SPATA4: variants seen among roughly 807,000 people sequenced by gnomAD.
SPATA4 encodes the protein spermatogenesis associated 4.
SPATA4 carries 35 observed loss-of-function variants against 31.8 expected under a neutral mutation model. The ratio of observed to expected loss-of-function variants is 1.10; its 90% CI spans 0.84 to 1.46. The LOEUF (loss-of-function observed/expected upper bound fraction) is 1.46, where lower values mean the gene tolerates loss of function less well. Ranked by LOEUF, SPATA4 falls within the 40% of genes most tolerant of loss-of-function variation. SPATA4 has a pLI of 0.00. For missense variants in SPATA4, 394 were observed against 363.1 expected (o/e 1.09, Z -0.69); for synonymous variants, 126 against 132.4 (o/e 0.95, Z 0.33).
intron 4 of SPATA4, among the ~76,000 whole-genome samples, chr4:176,191,810 A>T (rs1481859634): frequency 1.3e-5 from 2 of 152,324 alleles, no homozygotes. Flanking sequence ...TAAAATATCC[A>T]TCTCACAATT....
intron 1 of SPATA4, 142 bp from the exon 2 acceptor site, chr4:176,193,724 C>T: frequency 1.2e-6 from 1 of 858,846 alleles, no homozygotes; most frequent in Non-Finnish European, 1.6e-6. Context: ...CTAAGGAGAA[C>T]CTACTGTGGA....
chr4:176,184,868 G>A lies in SPATA4; in HGVS notation c.830C>T (p.Ser277Leu), dbSNP rs562455301. The A allele has an allele frequency of 1.3e-6, 2 of 1,598,096 alleles. No individual in the cohort carries two copies. The highest frequency in any genetic ancestry group is 1.3e-5 in the African/African-American group (1 of 74,304). ...VLPNIGSGGS[S>L]HREIHVKQAG... ...TTGCTTCACATGTATTTCTCTATGTGAACTGCCACCACTACCTATATTTGC... is the reference window on the plus strand; with the variant it reads ...TTGCTTCACATGTATTTCTCTATGTAAACTGCCACCACTACCTATATTTGC... The change falls in exon 6 of 6, where the codon TCA becomes TTA. Residue 277 changes from serine to leucine, a missense_variant. By Grantham distance (145) the Ser-to-Leu change is moderately radical. Coordinates refer to ENST00000280191, the MANE Select transcript of SPATA4 (RefSeq NM_144644.4).
chr4:176,189,794 C>G (rs543468632), intron 4 of SPATA4, among the ~76,000 whole-genome samples: 20 of 152,228 alleles, frequency 1.3e-4, no homozygotes, highest in African/African-American at 4.8e-4. Flanking sequence ...ATATGGATTG[C>G]AGATGAAGTA....
At position 176,192,962 on chromosome 4, in the gene SPATA4, G is replaced by C. The variant is rs144504100; in HGVS notation, c.463C>G (p.Arg155Gly). ...IEEVYTLLTH[R>G]EIKSIQDDFV... is the part of the protein sequence containing the mutation. ...AGGAAATTACAAAGAACTTACTCTC[G>C]ATGTGTTAATAAAGTGTAAACCTCT... is the stretch of plus-strand genomic sequence containing the variant. The change falls in exon 3 of 6, where the codon CGA becomes GGA. Residue 155 changes from arginine to glycine, a missense_variant. Arg to Gly is a moderately radical substitution (Grantham distance 125). Coordinates refer to ENST00000280191, the MANE Select transcript of SPATA4 (RefSeq NM_144644.4). 6.3e-7 allele frequency: 1 copy of C among 1,597,002 alleles called. No homozygotes were observed. Among genetic ancestry groups the C allele is most frequent in the Non-Finnish European group, 8.5e-7 (1 of 1,171,824 alleles).
In SPATA4 at chr4:176,195,401, G is replaced by C. The variant is rs368009200; in HGVS notation, c.162C>G (p.Ser54=). The C allele has an allele frequency of 6.2e-7, 1 of 1,614,220 alleles. No homozygotes were observed. Among genetic ancestry groups the C allele is most frequent in the Non-Finnish European group, 8.5e-7 (1 of 1,180,050 alleles). The change falls in exon 1 of 6, where the codon TCC becomes TCG. Residue 54 remains serine, a synonymous_variant. Coordinates refer to ENST00000280191, the MANE Select transcript of SPATA4 (RefSeq NM_144644.4). ...CCAGACCCTGAAGCCAACGCAGAAC[G>C]GAACGAGACAAGCGGGAGCTCTTCG... ...HAPKSSRLSR[S]VLRWLQGLDL... is the part of the protein sequence containing the mutation.
At chr4:176,192,530 A>G in intron 4 of SPATA4, 97 bp downstream of exon 4, 1 of 937,536 alleles carries the variant, frequency 1.1e-6, no homozygotes, top group Non-Finnish European at 1.7e-6. Context: ...GTTACAGAAG[A>G]TAGCAAAATG....
At chr4:176,185,193 G>A (rs1752422081) in intron 5 of SPATA4, among the ~76,000 whole-genome samples, 1 of 152,148 alleles carries the variant, frequency 6.6e-6, no homozygotes, top group Non-Finnish European at 1.5e-5. Flanking sequence ...TCAGAAAGCA[G>A]CTGAGGCAAC....
Position 176,195,537 on chromosome 4 carries a change from C to T in SPATA4, c.26G>A (p.Gly9Glu), listed in dbSNP as rs751777537. The change falls in exon 1 of 6, where the codon GGG becomes GAG. Residue 9 changes from glycine (G) to glutamate (E), a missense_variant. By Grantham distance (98) the Gly-to-Glu change is moderately conservative (BLOSUM62 -2). Coordinates refer to ENST00000280191, the MANE Select transcript of SPATA4 (RefSeq NM_144644.4). ...GGCTGCCGCAGTCTGTGTCAAATAC[C>T]CTTTTTCCTGGCCGGCGGCAGCCAT... is the stretch of plus-strand genomic sequence containing the variant. MAAAGQEK[G>E]YLTQTAAALD... 6 of 1,614,066 alleles carry T rather than the reference C, an allele frequency of 3.7e-6. No homozygotes were observed.
intron 2 of SPATA4, 22 bp downstream of exon 2, chr4:176,193,431 G>A: frequency 6.2e-7 from 1 of 1,607,292 alleles, no homozygotes; most frequent in Non-Finnish European, 8.5e-7. Context: ...ACAGTTAAAA[G>A]TGTAAATGAC....
At position 176,187,561 on chromosome 4, in the gene SPATA4, A is replaced by T. The variant is rs543221786; in HGVS notation, c.805+558T>A. 6.2e-4 allele frequency among the ~76,000 whole-genome samples: 95 copies of T among 152,204 alleles called. 1 individual carries two copies. The highest frequency in any genetic ancestry group is 2.3e-3 in the African/African-American group (94 of 41,536). On this transcript the variant is annotated intron_variant, in intron 5 of 5. Coordinates refer to ENST00000280191, the MANE Select transcript of SPATA4 (RefSeq NM_144644.4). ...GGAAGTTGCAGTGAGCCGAGATCAC[A>T]CCACTGCACTCCAGCCTGGGTGACA...
chr4:176,187,811 A>C (rs1472799958), intron 5 of SPATA4, among the ~76,000 whole-genome samples: 1 of 152,158 alleles, frequency 6.6e-6, no homozygotes, highest in African/African-American at 2.4e-5. Flanking sequence ...TGACTGACTC[A>C]TCCTCTGACT....
chr4:176,188,377 T>C (rs978884070), intron 4 of SPATA4, 142 bp from the exon 5 acceptor site: 3 of 587,682 alleles, frequency 5.1e-6, no homozygotes, highest in Admixed American at 3.4e-5. Flanking sequence ...CCTAGGTTAA[T>C]AGTCCCTCCC....
intron 4 of SPATA4, among the ~76,000 whole-genome samples, chr4:176,190,719 T>A (rs969013602): frequency 2.0e-5 from 3 of 152,202 alleles, no homozygotes; most frequent in African/African-American, 7.2e-5. Context: ...CTTGTAGCAA[T>A]AGCAGGTTGA....
At chr4:176,189,063 T>C (rs547647878) in intron 4 of SPATA4, among the ~76,000 whole-genome samples, 1 of 152,218 alleles carries the variant, frequency 6.6e-6, no homozygotes, top group Non-Finnish European at 1.5e-5. Context: ...GTTTAGATGA[T>C]CTGTAGTTAA....
intron 4 of SPATA4, among the ~76,000 whole-genome samples, chr4:176,188,441 A>G (rs1378534900): frequency 1.3e-5 from 2 of 152,166 alleles, no homozygotes; most frequent in African/African-American, 4.8e-5. Flanking sequence ...AAGGTAATAT[A>G]TTTATGTTCC....
At chr4:176,185,528 G>A (rs748367772) in intron 5 of SPATA4, among the ~76,000 whole-genome samples, 2 of 152,164 alleles carry the variant, frequency 1.3e-5, no homozygotes, top group African/African-American at 2.4e-5. Flanking sequence ...TGATTTCAGT[G>A]CCATTATATG....
intron 4 of SPATA4, among the ~76,000 whole-genome samples, chr4:176,190,019 G>A (rs141828639): frequency 6.6e-6 from 1 of 152,108 alleles, no homozygotes; most frequent in Non-Finnish European, 1.5e-5. Context: ...CGTGACTGGG[G>A]GCTGCGTGCA....
chr4:176,193,695 G>T, intron 1 of SPATA4, 113 bp from the exon 2 acceptor site: 1 of 1,136,918 alleles, frequency 8.8e-7, no homozygotes, highest in Non-Finnish European at 1.2e-6. Flanking sequence ...TGTAAAGTGA[G>T]TGTTGTTGGA....
intron 5 of SPATA4, among the ~76,000 whole-genome samples, chr4:176,187,431 C>A (rs980626692): frequency 1.3e-5 from 2 of 151,806 alleles, no homozygotes; most frequent in Non-Finnish European, 2.9e-5. Flanking sequence ...ACGGTGAAAC[C>A]CCATCTCTAC....
Sources: gnomAD v4.1 joint callset for allele counts (sites outside exome capture counted in the v4.1 genomes callset) on GRCh38, gnomAD v4.1.1 for gene constraint, MANE v1.5 for transcripts, NCBI Gene and HGNC (gene_info 2026-07-23, HGNC 2026-07-21) for gene names.